The following SLC15A1 variants were observed in gnomAD, a reference collection of about 807,000 sequenced individuals.
The protein encoded by SLC15A1 is solute carrier family 15 member 1.
Under a neutral mutation model 92.9 loss-of-function variants are expected in SLC15A1, and 83 were observed. The ratio of observed to expected loss-of-function variants is 0.89; its 90% confidence interval spans 0.75 to 1.07. The LOEUF is 1.07. Ranked by LOEUF, SLC15A1 falls within the 50% of genes least tolerant of loss-of-function variation. The pLI is 0.00. For synonymous variants in SLC15A1, 322 were observed against 318.2 expected, an observed-to-expected ratio of 1.01 and a Z score of -0.13; for missense variants, 857 against 880.1, an observed-to-expected ratio of 0.97 and a Z score of 0.33.
intron 1 of SLC15A1, among the ~76,000 whole-genome samples, chr13:98,734,956 A>G (rs2088379682): frequency 6.6e-6 from 1 of 152,248 alleles, no homozygotes; most frequent in Non-Finnish European, 1.5e-5. Context: ...CAATAGAAAA[A>G]GAGGGAATCC....
intron 1 of SLC15A1, among the ~76,000 whole-genome samples, chr13:98,727,823 G>A (rs1242562085): frequency 2.0e-5 from 3 of 152,074 alleles, no homozygotes; most frequent in African/African-American, 4.8e-5. Flanking sequence ...CACTCACCCC[G>A]ATTTCCTTAT....
intron 4 of SLC15A1, among the ~76,000 whole-genome samples, 160 bp downstream of exon 4, chr13:98,725,963 C>T (rs1288748475): frequency 1.3e-5 from 2 of 152,168 alleles, no homozygotes; most frequent in Non-Finnish European, 1.5e-5. Flanking sequence ...GCCTCAGCCT[C>T]TCAAAGTGCT....
At chr13:98,715,053 C>T (rs1277618501) in intron 9 of SLC15A1, among the ~76,000 whole-genome samples, 2 of 152,212 alleles carry the variant, frequency 1.3e-5, no homozygotes, top group African/African-American at 4.8e-5. Context: ...CAGAGATGAA[C>T]TGTAAGTTCA....
At position 98,726,448 on chromosome 13, in the gene SLC15A1, C is replaced by G; in HGVS notation, c.23G>C (p.Ser8Thr). 6.2e-7 allele frequency: 1 copy of G among 1,613,682 alleles called. No homozygotes were observed. Among genetic ancestry groups the G allele is most frequent in the Non-Finnish European group, 8.5e-7 (1 of 1,179,740 alleles). ...GATGCTCAGGGGATAACCAAAGAAA[C>G]TCTGACAAAAAAGAAACAAGCACAG... is the stretch of plus-strand genomic sequence containing the variant. MGMSKSH[S>T]FFGYPLSIFF... Residue 8 changes from serine to threonine, a missense_variant and splice_region_variant, in exon 3 of 23, where the codon AGT becomes ACT. By Grantham distance (58) the Ser-to-Thr change is moderately conservative. Transcript: ENST00000376503.
intron 22 of SLC15A1, 66 bp from the exon 23 acceptor site, chr13:98,684,981 T>C: frequency 2.9e-6 from 4 of 1,369,788 alleles, no homozygotes; most frequent in Non-Finnish European, 4.0e-6. Context: ...CTGATGAATA[T>C]ATGGTGCGTA....
chr13:98,742,454 C>T (rs572194534), intron 1 of SLC15A1, among the ~76,000 whole-genome samples: 1 of 152,324 alleles, frequency 6.6e-6, no homozygotes, highest in African/African-American at 2.4e-5. Flanking sequence ...GTCCATGGCT[C>T]CAGCCTGGGG....
chr13:98,710,004 G>A (rs1269418940), intron 11 of SLC15A1, 93 bp from the exon 12 acceptor site: 3 of 1,157,548 alleles, frequency 2.6e-6, no homozygotes, highest in Admixed American at 3.5e-5. Flanking sequence ...TCAGGAATGA[G>A]GTCTGACATG....
chr13:98,719,455 A>C (rs2139590008), intron 7 of SLC15A1, 135 bp from the exon 8 acceptor site: 1 of 569,052 alleles, frequency 1.8e-6, no homozygotes, highest in Non-Finnish European at 3.1e-6. Context: ...TGCCTCACTG[A>C]CATAATTGCC....
chr13:98,719,189 G>T, intron 8 of SLC15A1, 48 bp downstream of exon 8: 4 of 1,378,714 alleles, frequency 2.9e-6, no homozygotes, highest in Non-Finnish European at 4.1e-6. Context: ...TTCACGTAGG[G>T]CCTGACCTGG....
rs545206708 is a variant in SLC15A1 at position 98,746,314 on chromosome 13, T to G, written c.4+6281A>C. 4.6e-5 allele frequency among the ~76,000 whole-genome samples: 7 copies of G among 152,338 alleles called. No homozygotes were observed. In the East Asian group the frequency reaches 1.4e-3, roughly 29 times the overall value. ...GCTTCTATGTCTTTGCTATTGTGAATAGTGCTTCAGTGAACATATGTGTGC... is the reference window on the plus strand; with the variant it reads ...GCTTCTATGTCTTTGCTATTGTGAAGAGTGCTTCAGTGAACATATGTGTGC... On this transcript the variant is annotated intron_variant, in intron 1 of 22. Coordinates refer to ENST00000376503, the MANE Select transcript of SLC15A1 (RefSeq NM_005073.4).
intron 4 of SLC15A1, among the ~76,000 whole-genome samples, chr13:98,725,830 A>C (rs2088294012): frequency 6.6e-6 from 1 of 152,080 alleles, no homozygotes; most frequent in African/African-American, 2.4e-5. Context: ...GCTCAAGCGG[A>C]TCCTCCCACC....
chr13:98,727,153 C>T (rs909495103), intron 1 of SLC15A1, among the ~76,000 whole-genome samples: 2 of 152,168 alleles, frequency 1.3e-5, no homozygotes, highest in Non-Finnish European at 2.9e-5. Context: ...CTTCAAAGGC[C>T]GCCCATCGGG....
At chr13:98,742,132 C>A (rs1032517501) in intron 1 of SLC15A1, among the ~76,000 whole-genome samples, 2 of 152,158 alleles carry the variant, frequency 1.3e-5, no homozygotes, top group African/African-American at 4.8e-5. Context: ...ATGGGAAGGC[C>A]GTGAGGGGCT....
At chr13:98,718,341 A>G (rs1270139746) in intron 8 of SLC15A1, among the ~76,000 whole-genome samples, 3 of 91,680 alleles carry the variant, frequency 3.3e-5, no homozygotes, top group Non-Finnish European at 1.8e-5. Context: ...TTTTTTTGAG[A>G]CAGGGTCTTG....
At chr13:98,734,906 A>G (rs1404471226) in intron 1 of SLC15A1, among the ~76,000 whole-genome samples, 1 of 152,210 alleles carries the variant, frequency 6.6e-6, no homozygotes, top group Non-Finnish European at 1.5e-5. Context: ...TTAAAGGTAC[A>G]AAGAGGAGCT....
In SLC15A1 at chr13:98,721,399, A is replaced by C; in HGVS notation, c.556+96T>G. ...CCAGCATGTAGCTGACAGCTAGAAA[A>C]CAGGGCAGAAGGGAAGAACAGAACA... On this transcript the variant is annotated intron_variant, in intron 7 of 22. Coordinates refer to ENST00000376503, the MANE Select transcript of SLC15A1 (RefSeq NM_005073.4). 3 of 858,782 alleles carry C rather than the reference A, an allele frequency of 3.5e-6. No individual in the cohort carries two copies. The South Asian group carries it at 4.3e-5, about 12-fold the overall frequency. 53.2% of individuals were successfully genotyped at this position (858,782 alleles called of 1,614,324 possible). A position where few individuals can be genotyped will look rare whatever the true frequency, so the allele number is the denominator to read the frequency against.
Position 98,712,595 on chromosome 13 carries a change from G to A in SLC15A1, c.724-11C>T. On this transcript the variant is annotated splice_polypyrimidine_tract_variant and intron_variant, in intron 9 of 22. Transcript: ENST00000376503. ...ATTTTTGATGGCAAACTGAAGGAAGGAAGAAAAATCGAATTTCAAAACAGG... is the reference window on the plus strand; with the variant it reads ...ATTTTTGATGGCAAACTGAAGGAAGAAAGAAAAATCGAATTTCAAAACAGG... 1 of 1,599,024 alleles carries A rather than the reference G, an allele frequency of 6.3e-7. No homozygotes were observed. The highest frequency in any genetic ancestry group is 8.5e-7 in the Non-Finnish European group (1 of 1,172,062).
intron 14 of SLC15A1, 88 bp downstream of exon 14, chr13:98,709,484 G>A: frequency 1.0e-6 from 1 of 982,656 alleles, no homozygotes; most frequent in Non-Finnish European, 1.6e-6. Context: ...AGGCGAGGTT[G>A]CGGGAAGGGC....
chr13:98,705,699 C>T (rs1371669064), intron 16 of SLC15A1, among the ~76,000 whole-genome samples: 3 of 152,176 alleles, frequency 2.0e-5, no homozygotes, highest in Non-Finnish European at 1.5e-5. Context: ...CAAGACCAGC[C>T]TGGCCAACAT....
Sources: gnomAD v4.1 joint callset for allele counts (sites outside exome capture counted in the v4.1 genomes callset) on GRCh38, gnomAD v4.1.1 for gene constraint, MANE v1.5 for transcripts, NCBI Gene and HGNC (gene_info 2026-07-23, HGNC 2026-07-21) for gene names.